Variants in PTPRA observed in about 807,000 individuals in gnomAD.
PTPRA encodes the protein receptor-type tyrosine-protein phosphatase alpha.
PTPRA carries 25 observed loss-of-function variants against 104.8 expected under a neutral mutation model. The ratio of observed to expected loss-of-function variants is 0.24; its 90% confidence interval spans 0.17 to 0.33. The LOEUF (loss-of-function observed/expected upper bound fraction) is 0.33. Ranked by LOEUF, PTPRA falls within the 10% of genes least tolerant of loss-of-function variation. The pLI is 1.00. For synonymous variants in PTPRA, 323 were observed against 368.9 expected (o/e 0.88, Z 1.43); for missense variants, 765 against 1,015.3 (o/e 0.75, Z 3.35).
intron 20 of PTPRA, among the ~76,000 whole-genome samples, chr20:3,032,577 C>T (rs549249664): frequency 1.1e-4 from 17 of 151,668 alleles, no homozygotes; most frequent in South Asian, 4.2e-4. Flanking sequence ...ACCAGCCTGG[C>T]CAACATGGCA....
intron 5 of PTPRA, among the ~76,000 whole-genome samples, chr20:2,974,328 C>G (rs1168460266): frequency 6.6e-6 from 1 of 152,062 alleles, no homozygotes; most frequent in Non-Finnish European, 1.5e-5. Flanking sequence ...TGGGTCACTG[C>G]AACCTCTACC....
At chr20:2,981,782 C>T (rs1182537514) in intron 6 of PTPRA, among the ~76,000 whole-genome samples, 1 of 152,064 alleles carries the variant, frequency 6.6e-6, no homozygotes, top group African/African-American at 2.4e-5. Context: ...ACCCCAGTCC[C>T]AATTCCCTCT....
chr20:2,964,226 T>C (rs2061863849), intron 3 of PTPRA, 46 bp from the exon 4 acceptor site: 6 of 1,451,628 alleles, frequency 4.1e-6, no homozygotes, highest in Non-Finnish European at 5.8e-6. Context: ...TCAGACATAG[T>C]CCTGATAATA....
rs1428887680 is a variant in PTPRA, at chr20:2,873,886, G to T, written c.-129+126G>T. 6.6e-6 allele frequency: 1 copy of T among 152,136 alleles called. No individual in the cohort carries two copies. The highest frequency in any genetic ancestry group is 2.4e-5 in the African/African-American group (1 of 41,428). 9.4% of individuals were successfully genotyped at this position (152,136 alleles called of 1,614,324 possible). ...CCGAAGCCCTAAGCCATCTTTTCCG[G>T]GTAGAAGCCTGCGGGCGCCTGCAGG... On this transcript the variant is annotated intron_variant, in intron 1 of 23. Transcript: ENST00000399903. This position sits in a 1 kb window ranked among gnomAD's most constrained non-coding sequence, Gnocchi z 4.4.
At chr20:3,030,590 G>GA (rs1568709052) in intron 20 of PTPRA, among the ~76,000 whole-genome samples, 1 of 137,498 alleles carries the variant, frequency 7.3e-6, no homozygotes, top group East Asian at 2.2e-4. Context: ...AGTTCCCAGA[G>GA]AAAAAAATTC....
intron 1 of PTPRA, among the ~76,000 whole-genome samples, chr20:2,887,373 C>T (rs895891078): frequency 1.3e-5 from 2 of 152,034 alleles, no homozygotes; most frequent in African/African-American, 2.4e-5. Flanking sequence ...TTGTGGAGAA[C>T]GGACTGGGCA....
intron 1 of PTPRA, among the ~76,000 whole-genome samples, chr20:2,910,153 ATACGT>A (rs1210867163): frequency 1.1e-5 from 1 of 92,232 alleles, no homozygotes; most frequent in Non-Finnish European, 2.1e-5. Context: ...CATATATACT[ATACGT>A]CATATATAAT....
chr20:2,974,597 G>A (rs1402616659), intron 5 of PTPRA, among the ~76,000 whole-genome samples: 1 of 151,844 alleles, frequency 6.6e-6, no homozygotes, highest in African/African-American at 2.4e-5. Flanking sequence ...CAGCTAATTT[G>A]TTTTGTATTT....
At chr20:2,954,966 T>G (rs1258879707) in intron 3 of PTPRA, among the ~76,000 whole-genome samples, 1 of 152,264 alleles carries the variant, frequency 6.6e-6, no homozygotes, top group Non-Finnish European at 1.5e-5. Context: ...ATTGAATTGC[T>G]TTTGCAACTT....
chr20:2,868,271 GCCCAC>G, the PTPRA span, among the ~76,000 whole-genome samples: 1 of 149,190 alleles, frequency 6.7e-6, no homozygotes, highest in Non-Finnish European at 1.5e-5. Flanking sequence ...AGTAATACAG[GCCCAC>G]CCCACCAATT....
chr20:2,884,630 T>A (rs2090265612), intron 1 of PTPRA, among the ~76,000 whole-genome samples: 1 of 152,176 alleles, frequency 6.6e-6, no homozygotes, highest in Non-Finnish European at 1.5e-5. Flanking sequence ...TTGCTCTTTT[T>A]ATTATTAAGT....
rs2062381054 is a variant in PTPRA at position 2,975,225 on chromosome 20, C to T, written c.426C>T (p.Asp142=). The T allele has an allele frequency of 6.3e-7, 1 of 1,596,226 alleles. No homozygotes were observed. The highest frequency in any genetic ancestry group is 1.3e-5 in the African/African-American group (1 of 74,544). Residue 142 remains aspartate, a synonymous_variant, in exon 6 of 24, where the codon GAC becomes GAT. Transcript: ENST00000399903. ...PETFPPSGNS[D]SKDRRDETPI... ...TTACTTATTACACAGGTAATTCTGA[C>T]TCGAAGGACAGAAGAGGTGAGCTGC...
At chr20:2,893,144 G>A (rs1466558760) in intron 1 of PTPRA, among the ~76,000 whole-genome samples, 1 of 152,208 alleles carries the variant, frequency 6.6e-6, no homozygotes, top group Non-Finnish European at 1.5e-5. Flanking sequence ...GGTGCTCTTT[G>A]AGGGCAGGGA....
the PTPRA span, chr20:2,865,851 G>T: frequency 1.3e-5 from 6 of 456,828 alleles, no homozygotes; most frequent in Non-Finnish European, 2.4e-5. This position sits in a 1 kb window ranked among gnomAD's most constrained non-coding sequence, Gnocchi z 5.2. Context: ...GCTGTTTTCT[G>T]TGGTGGGTAG....
upstream of PTPRA, among the ~76,000 whole-genome samples, chr20:2,869,572 G>A (rs1366510516): frequency 6.6e-6 from 1 of 152,220 alleles, no homozygotes; most frequent in Non-Finnish European, 1.5e-5. Context: ...TTCGTCCAAT[G>A]TATGACGCTA....
chr20:3,013,535 C>T (rs970955808), intron 11 of PTPRA, among the ~76,000 whole-genome samples: 2 of 151,888 alleles, frequency 1.3e-5, no homozygotes, highest in East Asian at 3.9e-4. Flanking sequence ...GCCTCAGCCT[C>T]CCAAGTAGCT....
intron 13 of PTPRA, among the ~76,000 whole-genome samples, chr20:3,020,389 C>G (rs539979348): frequency 6.6e-6 from 1 of 152,194 alleles, no homozygotes; most frequent in Non-Finnish European, 1.5e-5. Context: ...TGAGCCACCA[C>G]GCCCGGCCCA....
In PTPRA at chr20:3,037,340, T is replaced by C; in HGVS notation, c.2334+51T>C. ...GCCACCACACCACCTGCAGCCCTTC[T>C]CTCAGGGAGGAGGCTCTTCAGAGGG... On this transcript the variant is annotated intron_variant, in intron 23 of 23. Transcript: ENST00000399903. The surrounding 1 kb of genome is among the most constrained non-coding windows in gnomAD (Gnocchi z 4.3). 1 of 1,603,066 alleles carries C rather than the reference T, an allele frequency of 6.2e-7. No individual in the cohort carries two copies. Among genetic ancestry groups the C allele is most frequent in the Non-Finnish European group, 8.5e-7 (1 of 1,174,948 alleles).
intron 1 of PTPRA, among the ~76,000 whole-genome samples, chr20:2,883,358 A>G (rs2090173962): frequency 7.8e-6 from 1 of 128,164 alleles, no homozygotes; most frequent in Non-Finnish European, 1.6e-5. Flanking sequence ...CTTTTCTTAG[A>G]AAGAAATGTG....
Sources: gnomAD v4.1 joint callset for allele counts (sites outside exome capture counted in the v4.1 genomes callset) on GRCh38, gnomAD v4.1.1 for gene constraint, Gnocchi (gnomAD v3.1) non-coding constraint, MANE v1.5 for transcripts, NCBI Gene and HGNC (gene_info 2026-07-23, HGNC 2026-07-21) for gene names.